The following CARF variants were observed in gnomAD, a reference collection of about 807,000 sequenced individuals.
CARF encodes calcium responsive transcription factor, also known as calcium-responsive transcription factor.
CARF carries 57 observed loss-of-function variants against 82.0 expected under a neutral mutation model. The ratio of observed to expected loss-of-function variants is 0.70; its 90% CI spans 0.56 to 0.87. The LOEUF (loss-of-function observed/expected upper bound fraction) is 0.87, where lower values mean the gene tolerates loss of function less well. Among genes scored for constraint, CARF ranks in the 40% least tolerant of loss-of-function variants. CARF has a pLI of 0.00. For synonymous variants in CARF, 268 were observed against 290.1 expected, an observed-to-expected ratio of 0.92 and a Z score of 0.77; for missense variants, 771 against 855.8, an observed-to-expected ratio of 0.90 and a Z score of 1.24.
intron 3 of CARF, among the ~76,000 whole-genome samples, chr2:202,929,782 A>G (rs1050346499): frequency 6.6e-6 from 1 of 151,868 alleles, no homozygotes; most frequent in African/African-American, 2.4e-5. Flanking sequence ...TTTAAGAGAT[A>G]GGGTCTTGCT....
chr2:202,925,606 T>C, intron 3 of CARF: 1 of 248,370 alleles, frequency 4.0e-6, no homozygotes, highest in Non-Finnish European at 8.0e-6. Flanking sequence ...TGCTTCAGGC[T>C]GAGAATGAGG....
Position 202,985,975 on chromosome 2 carries a change from C to T in CARF, c.*2351C>T, listed in dbSNP as rs1378743072. 1.3e-5 allele frequency: 2 copies of T among 152,066 alleles called. No homozygotes were observed. The highest frequency in any genetic ancestry group is 3.9e-4 in the East Asian group (2 of 5,190). 9.4% of individuals were successfully genotyped at this position (152,066 alleles called of 1,614,324 possible). On this transcript the variant is annotated 3_prime_UTR_variant, in exon 17 of 17. Coordinates refer to ENST00000438828, the MANE Select transcript of CARF (RefSeq NM_024744.17). ...CTCACTTGATTCTGTGTGAATGTCT[C>T]TTCTGATACTGTTTTTTAATCAGAA...
Position 202,942,913 on chromosome 2 carries a change from T to A in CARF, c.252T>A (p.Asn84Lys), listed in dbSNP as rs567927407. 52 of 1,614,106 alleles carry A rather than the reference T, an allele frequency of 3.2e-5. No homozygotes were observed. In the South Asian group the frequency reaches 5.3e-4, roughly 16 times the overall value. ...SAEQFHLVDQNGQAIQYELQS... is the reference protein window; with the variant it reads ...SAEQFHLVDQKGQAIQYELQS... ...AGCAATTCCATCTAGTGGACCAAAA[T>A]GGGCAGGCTATTCAATATGAACTTC... Residue 84 changes from asparagine (N) to lysine (K), a missense_variant, in exon 5 of 17, where the codon AAT becomes AAA. Physicochemically the swap from Asn to Lys is moderately conservative, Grantham distance 94. Coordinates refer to ENST00000438828, the MANE Select transcript of CARF (RefSeq NM_024744.17).
At position 202,966,830 on chromosome 2, in the gene CARF, A is replaced by G. The variant is rs190479121; in HGVS notation, c.833-148A>G. 9.9e-6 allele frequency: 6 copies of G among 609,104 alleles called. No homozygotes were observed. In the Admixed American group the frequency reaches 1.4e-4, roughly 14 times the overall value. 37.7% of individuals were successfully genotyped at this position (609,104 alleles called of 1,614,324 possible). A position where few individuals can be genotyped will look rare whatever the true frequency, so the allele number is the denominator to read the frequency against. ...TAAACTTTTAAATTTATATGTTTGT[A>G]TATGTAAGTAAGACTTACTAATGTT... is the stretch of plus-strand genomic sequence containing the variant. On this transcript the variant is annotated intron_variant, in intron 9 of 16. Transcript: ENST00000438828.
rs1349701548 is a variant in CARF at position 202,986,867 on chromosome 2, CGTATATATATATATAT to C, written c.*3244_*3259del. On this transcript the variant is annotated 3_prime_UTR_variant, in exon 17 of 17. Transcript: ENST00000438828. ...AAAAGAGGTTTAAAAAATGTCTGTG[CGTATATATATATATAT>C]ATATATATATATATATATATATATA... 5.3e-4 allele frequency: 30 copies of C among 56,702 alleles called. No individual in the cohort carries two copies. Among genetic ancestry groups the C allele is most frequent in the South Asian group, 2.2e-3 (4 of 1,810 alleles). The allele number at this position is 56,702 out of a possible 1,614,324, so 3.5% of individuals were successfully genotyped here. A position where few individuals can be genotyped will look rare whatever the true frequency, so the allele number is the denominator to read the frequency against.
Position 202,983,651 on chromosome 2 carries a change from A to G in CARF, c.*27A>G. On this transcript the variant is annotated 3_prime_UTR_variant, in exon 17 of 17. Coordinates refer to ENST00000438828, the MANE Select transcript of CARF (RefSeq NM_024744.17). ...TTATTGAAGCTTTTCAGAATTTACAACTCTGGTGACTTCTGATGTCTTAGA... is the reference window on the plus strand; with the variant it reads ...TTATTGAAGCTTTTCAGAATTTACAGCTCTGGTGACTTCTGATGTCTTAGA... 7.4e-7 allele frequency: 1 copy of G among 1,347,714 alleles called. No homozygotes were observed. The highest frequency in any genetic ancestry group is 1.1e-6 in the Non-Finnish European group (1 of 943,408). The allele number at this position is 1,347,714 out of a possible 1,614,324, so 83.5% of individuals were successfully genotyped here. A position where few individuals can be genotyped will look rare whatever the true frequency, so the allele number is the denominator to read the frequency against.
chr2:202,970,546 T>A (rs1301337450), intron 11 of CARF, among the ~76,000 whole-genome samples: 1 of 151,938 alleles, frequency 6.6e-6, no homozygotes, highest in African/African-American at 2.4e-5. Context: ...ATATTAGCAT[T>A]CTTTTTTACT....
At chr2:202,938,857 G>A (rs2058079807) in intron 3 of CARF, among the ~76,000 whole-genome samples, 1 of 151,996 alleles carries the variant, frequency 6.6e-6, no homozygotes, top group Admixed American at 6.6e-5. Flanking sequence ...TAGGATTACA[G>A]GCATGAGCCA....
intron 3 of CARF, chr2:202,925,267 G>T: frequency 2.8e-6 from 1 of 356,928 alleles, no homozygotes. Context: ...GGTAGAGCTG[G>T]AATCTCACCT....
chr2:202,983,659 G>T lies in CARF; in HGVS notation c.*35G>T. On this transcript the variant is annotated 3_prime_UTR_variant, in exon 17 of 17. Transcript: ENST00000438828. ...GCTTTTCAGAATTTACAACTCTGGTGACTTCTGATGTCTTAGAAAGGAAGG... is the reference window on the plus strand; with the variant it reads ...GCTTTTCAGAATTTACAACTCTGGTTACTTCTGATGTCTTAGAAAGGAAGG... 7.9e-7 allele frequency: 1 copy of T among 1,271,070 alleles called. No individual in the cohort carries two copies. Among genetic ancestry groups the T allele is most frequent in the South Asian group, 1.2e-5 (1 of 80,454 alleles). 78.7% of individuals were successfully genotyped at this position (1,271,070 alleles called of 1,614,324 possible).
chr2:202,957,035 C>T (rs527510857), intron 8 of CARF, among the ~76,000 whole-genome samples: 47 of 152,214 alleles, frequency 3.1e-4, no homozygotes, highest in Middle Eastern at 3.4e-3. Context: ...GTGATCCTCC[C>T]GCCTCAGCCT....
intron 5 of CARF, among the ~76,000 whole-genome samples, chr2:202,943,598 A>ACG (rs1487530091): frequency 7.1e-6 from 1 of 141,504 alleles, no homozygotes; most frequent in Non-Finnish European, 1.6e-5. Flanking sequence ...ACACACACAC[A>ACG]CACACACACA....
At chr2:202,913,532 G>A (rs1011436701) in intron 1 of CARF, among the ~76,000 whole-genome samples, 2 of 152,196 alleles carry the variant, frequency 1.3e-5, no homozygotes, top group African/African-American at 4.8e-5. Flanking sequence ...TTGAGTGGAG[G>A]AATAAAATTA....
chr2:202,965,280 T>C lies in CARF; in HGVS notation c.833-1698T>C, dbSNP rs573708569. 5.3e-5 allele frequency among the ~76,000 whole-genome samples: 8 copies of C among 152,306 alleles called. 1 individual carries two copies. Among genetic ancestry groups the C allele is most frequent in the African/African-American group, 1.7e-4 (7 of 41,570 alleles). ...CAGATTTGATTTTTGCAAGAATACC[T>C]CCTCGGTGTGCTGTGTACTTATTGC... On this transcript the variant is annotated intron_variant, in intron 9 of 16. Coordinates refer to ENST00000438828, the MANE Select transcript of CARF (RefSeq NM_024744.17).
chr2:202,962,809 A>G (rs1303626806), intron 9 of CARF: 1 of 152,198 alleles, frequency 6.6e-6, no homozygotes, highest in African/African-American at 2.4e-5. Context: ...ATCATTGTAT[A>G]ATATTCCAGC....
intron 2 of CARF, among the ~76,000 whole-genome samples, chr2:202,920,073 G>A (rs1164483313): frequency 1.3e-5 from 2 of 151,890 alleles, no homozygotes; most frequent in African/African-American, 4.8e-5. Flanking sequence ...TAGAGTGATT[G>A]TTGATAATTC....
At position 202,987,821 on chromosome 2, in the gene CARF, A is replaced by G. The variant is rs2060491091; in HGVS notation, c.*4197A>G. Among the ~76,000 whole-genome samples, 1 of 152,218 alleles carries G rather than the reference A, an allele frequency of 6.6e-6. No homozygotes were observed. Among genetic ancestry groups the G allele is most frequent in the Admixed American group, 6.5e-5 (1 of 15,276 alleles). On this transcript the variant is annotated 3_prime_UTR_variant, in exon 17 of 17. Coordinates refer to ENST00000438828, the MANE Select transcript of CARF (RefSeq NM_024744.17). ...TATTTTTAAATATCTTTATTGAGGTATAATTGAAATACAATAAACTGTACA... is the reference window on the plus strand; with the variant it reads ...TATTTTTAAATATCTTTATTGAGGTGTAATTGAAATACAATAAACTGTACA...
At chr2:202,957,340 G>A (rs1383401138) in intron 8 of CARF, among the ~76,000 whole-genome samples, 1 of 152,056 alleles carries the variant, frequency 6.6e-6, no homozygotes, top group African/African-American at 2.4e-5. Flanking sequence ...ACTGTAGCTA[G>A]CTTCAAAGGC....
Position 202,971,572 on chromosome 2 carries a change from T to G in CARF, c.1165T>G (p.Leu389Val). The G allele has an allele frequency of 6.2e-7, 1 of 1,613,760 alleles. No homozygotes were observed. The highest frequency in any genetic ancestry group is 8.5e-7 in the Non-Finnish European group (1 of 1,179,816). ...YHELETPCLT[L>V]SPSPFPVSSL... Reference sequence around the variant, plus strand: ...TGAATTAGAGACTCCCTGCCTCACTTTGTCACCTTCTCCTTTTCCTGTGTC... The same window carrying G: ...TGAATTAGAGACTCCCTGCCTCACTGTGTCACCTTCTCCTTTTCCTGTGTC... Residue 389 changes from leucine (L) to valine (V), a missense_variant, in exon 12 of 17, where the codon TTG (leucine) becomes GTG (valine). Transcript: ENST00000438828.
Sources: allele counts gnomAD v4.1 joint callset (sites outside exome capture counted in the v4.1 genomes callset), GRCh38; gene constraint gnomAD v4.1.1; transcripts MANE v1.5; gene names NCBI Gene and HGNC (gene_info 2026-07-23, HGNC 2026-07-21).